The following CCDC171 variants were observed in gnomAD, a reference collection of about 807,000 sequenced individuals.
CCDC171 encodes the protein coiled-coil domain-containing protein 171.
In CCDC171, 177 loss-of-function variants were observed where a neutral mutation model predicts 168.2. The ratio of observed to expected loss-of-function variants is 1.05; its 90% CI spans 0.93 to 1.19. CCDC171 has a LOEUF of 1.19. Ranked by LOEUF, CCDC171 falls within the 50% of genes most tolerant of loss-of-function variation. CCDC171 has a pLI of 0.00. For missense variants in CCDC171, 1,991 were observed against 1,539.0 expected (o/e 1.29, Z -4.91); for synonymous variants, 687 against 540.8 (o/e 1.27, Z -3.75).
intron 6 of CCDC171, among the ~76,000 whole-genome samples, chr9:16,027,104 G>C (rs1833289666): frequency 6.6e-6 from 1 of 152,218 alleles, no homozygotes; most frequent in Non-Finnish European, 1.5e-5. Context: ...TGAGTAAACA[G>C]ATGTCCCGGA....
chr9:15,871,910 A>T (rs1360790197), intron 23 of CCDC171, among the ~76,000 whole-genome samples: 1 of 151,816 alleles, frequency 6.6e-6, no homozygotes, highest in Admixed American at 6.6e-5. Context: ...CACTCCCTTT[A>T]CTCATTAAAA....
At chr9:15,774,638 A>G (rs1564381830) in intron 18 of CCDC171, among the ~76,000 whole-genome samples, 1 of 152,256 alleles carries the variant, frequency 6.6e-6, no homozygotes, top group Admixed American at 6.5e-5. Context: ...TCGTTATACA[A>G]AAAAGATACT....
At chr9:15,959,519 A>G (rs1260754111) in intron 25 of CCDC171, among the ~76,000 whole-genome samples, 1 of 152,208 alleles carries the variant, frequency 6.6e-6, no homozygotes, top group African/African-American at 2.4e-5. Flanking sequence ...AGGCCAGAAA[A>G]AGTGAAAAGA....
intron 25 of CCDC171, among the ~76,000 whole-genome samples, chr9:15,932,146 G>A (rs111716038): frequency 0.05 from 7,580 of 151,902 alleles, 396 homozygotes; most frequent in South Asian, 0.13. Flanking sequence ...TTTCTGTGAA[G>A]AATGTCATTG....
At chr9:15,822,264 T>G (rs1368256167) in intron 21 of CCDC171, among the ~76,000 whole-genome samples, 1 of 152,020 alleles carries the variant, frequency 6.6e-6, no homozygotes, top group Non-Finnish European at 1.5e-5. Flanking sequence ...ATTCAGGACA[T>G]AGGCATGGGC....
At chr9:15,661,376 A>C (rs1460756231) in intron 8 of CCDC171, among the ~76,000 whole-genome samples, 1 of 152,202 alleles carries the variant, frequency 6.6e-6, no homozygotes, top group South Asian at 2.1e-4. Flanking sequence ...TTTCAAAATT[A>C]GGTTTTTCAT....
At chr9:16,092,968 C>G in the CCDC171 span, among the ~76,000 whole-genome samples, 2 of 152,200 alleles carry the variant, frequency 1.3e-5, no homozygotes, top group Non-Finnish European at 1.5e-5. Flanking sequence ...TGGCAGAGCA[C>G]AAGGCTGTGG....
At chr9:15,911,614 C>G (rs1033053801) in intron 24 of CCDC171, among the ~76,000 whole-genome samples, 3 of 152,182 alleles carry the variant, frequency 2.0e-5, no homozygotes, top group Non-Finnish European at 4.4e-5. Flanking sequence ...GTCATGAAGT[C>G]TTTGCCCATG....
chr9:15,565,443 C>A lies in CCDC171; in HGVS notation c.41+1314C>A, dbSNP rs1563948976. 2.0e-5 allele frequency among the ~76,000 whole-genome samples: 3 copies of A among 152,154 alleles called. No homozygotes were observed. The East Asian group carries it at 5.8e-4, about 29-fold the overall frequency. On this transcript the variant is annotated intron_variant, in intron 2 of 25. Transcript: ENST00000380701. ...AGGCAATCCTCCTGCATCAGCCTCC[C>A]AAGTAGCTGGAACTGTAGGCACGCA...
intron 9 of CCDC171, among the ~76,000 whole-genome samples, chr9:15,677,480 G>T (rs764338574): frequency 1.1e-4 from 17 of 152,120 alleles, no homozygotes; most frequent in Non-Finnish European, 2.4e-4. Flanking sequence ...AATTTAGACT[G>T]CATTATACTG....
At chr9:15,738,939 A>G (rs1260503842) in intron 16 of CCDC171, among the ~76,000 whole-genome samples, 1 of 152,202 alleles carries the variant, frequency 6.6e-6, no homozygotes, top group Non-Finnish European at 1.5e-5. Flanking sequence ...ATGATTTTAT[A>G]AAGGGTTATT....
At chr9:15,757,065 G>A (rs2056166499) in intron 18 of CCDC171, among the ~76,000 whole-genome samples, 1 of 152,210 alleles carries the variant, frequency 6.6e-6, no homozygotes, top group Non-Finnish European at 1.5e-5. Flanking sequence ...TACCAGTAGA[G>A]TGGGGCGTTG....
At chr9:15,669,265 C>G (rs546505007) in intron 9 of CCDC171, among the ~76,000 whole-genome samples, 13 of 152,218 alleles carry the variant, frequency 8.5e-5, no homozygotes, top group African/African-American at 3.1e-4. Flanking sequence ...TTTTTTCCAT[C>G]TAAAACTTGC....
intron 23 of CCDC171, among the ~76,000 whole-genome samples, chr9:15,864,307 T>G (rs909113623): frequency 3.9e-5 from 6 of 152,048 alleles, no homozygotes; most frequent in African/African-American, 1.4e-4. Context: ...ATACAGGAAT[T>G]ATTATTTCTT....
intron 21 of CCDC171, among the ~76,000 whole-genome samples, chr9:15,827,776 G>T (rs931730637): frequency 1.3e-5 from 2 of 152,124 alleles, no homozygotes; most frequent in Non-Finnish European, 2.9e-5. Context: ...TGAGTTCAAA[G>T]ACCTTGTGAT....
intron 3 of CCDC171, among the ~76,000 whole-genome samples, chr9:15,984,033 C>T (rs888976946): frequency 1.4e-5 from 1 of 71,434 alleles, no homozygotes. Context: ...ATCTGTAGTC[C>T]TCTGTATCAG....
At chr9:15,936,963 T>A (rs1387091155) in intron 25 of CCDC171, among the ~76,000 whole-genome samples, 1 of 152,010 alleles carries the variant, frequency 6.6e-6, no homozygotes, top group African/African-American at 2.4e-5. Context: ...AGTGCACAAT[T>A]TCAACTGCAG....
At chr9:15,586,574 A>G (rs73644680) in intron 4 of CCDC171, among the ~76,000 whole-genome samples, 4,323 of 152,294 alleles carry the variant, frequency 0.028, 199 homozygotes, top group African/African-American at 0.099. Flanking sequence ...GAGTAGCAGT[A>G]GTGAGTAAAA....
intron 24 of CCDC171, among the ~76,000 whole-genome samples, chr9:15,911,564 G>A (rs1293350642): frequency 1.3e-5 from 2 of 152,154 alleles, no homozygotes; most frequent in Non-Finnish European, 2.9e-5. Flanking sequence ...GACCCCATTT[G>A]TCAATTCTGG....
Sources: allele counts gnomAD v4.1 joint callset (sites outside exome capture counted in the v4.1 genomes callset), GRCh38; gene constraint gnomAD v4.1.1; transcripts MANE v1.5; gene names NCBI Gene and HGNC (gene_info 2026-07-23, HGNC 2026-07-21).